The following FRMPD4 variants were observed in gnomAD, a reference collection of about 807,000 sequenced individuals.
FRMPD4 encodes the protein FERM and PDZ domain containing 4.
FRMPD4 carries 22 observed loss-of-function variants against 94.1 expected under a neutral mutation model. That is an observed-to-expected ratio of 0.23 (90% CI 0.17 to 0.33). The LOEUF is 0.33. Among genes scored for constraint, FRMPD4 ranks in the 10% least tolerant of loss-of-function variants. The pLI, the probability that FRMPD4 is intolerant of heterozygous loss-of-function variation, is 1.00. For synonymous variants in FRMPD4, 631 were observed against 548.6 expected, an observed-to-expected ratio of 1.15 and a Z score of -2.10; for missense variants, 1,111 against 1,339.9, an observed-to-expected ratio of 0.83 and a Z score of 2.67.
At chrX:12,351,024 A>G (rs972410202) in intron 1 of FRMPD4, among the ~76,000 whole-genome samples, 3 of 110,969 alleles carry the variant, frequency 2.7e-5, no homozygotes, top group African/African-American at 9.8e-5. Flanking sequence ...AAATACAAAA[A>G]TTAGCTGGGT....
At chrX:12,066,745 A>G (rs1055501812) in intron 3 of FRMPD4, among the ~76,000 whole-genome samples, 2 of 109,967 alleles carry the variant, frequency 1.8e-5, no homozygotes, top group African/African-American at 6.6e-5. Flanking sequence ...TTTTATAGGA[A>G]CACTATATTT....
rs759542566 is a variant in FRMPD4 at position 12,008,505 on chromosome X, A to G, written c.95+130487A>G. Among the ~76,000 whole-genome samples, 4 of 112,863 alleles carry G rather than the reference A, an allele frequency of 3.5e-5. No individual in the cohort carries two copies. The East Asian group carries it at 1.1e-3, about 31-fold the overall frequency. ...TTTTAAACACATTGTAATCTCAAAT[A>G]TATGTGCCTTTGCAGGCTGCTCAAA... On this transcript the variant is annotated intron_variant, in intron 3 of 18. Coordinates refer to the FRMPD4 transcript ENST00000640291.
chrX:12,069,882 C>T (rs2054951880), intron 3 of FRMPD4, among the ~76,000 whole-genome samples: 1 of 110,709 alleles, frequency 9.0e-6, no homozygotes, highest in South Asian at 4.1e-4. Flanking sequence ...ATGGGAGTCA[C>T]TGGTGACCTT....
At chrX:12,236,025 A>G (rs1165570061) in intron 1 of FRMPD4, among the ~76,000 whole-genome samples, 6 of 111,140 alleles carry the variant, frequency 5.4e-5, no homozygotes, top group Non-Finnish European at 5.7e-5. Context: ...TTCCTGTGCC[A>G]AGAGTTCAGG....
chrX:12,014,126 T>C (rs1174336320), intron 3 of FRMPD4, among the ~76,000 whole-genome samples: 1 of 111,850 alleles, frequency 8.9e-6, no homozygotes, highest in East Asian at 2.8e-4. Flanking sequence ...CCTCTATACC[T>C]TCATTCAGAG....
chrX:12,566,820 G>T (rs1179585968), intron 2 of FRMPD4, among the ~76,000 whole-genome samples: 1 of 111,020 alleles, frequency 9.0e-6, no homozygotes, highest in Non-Finnish European at 1.9e-5. Context: ...AGTTTTTGGG[G>T]GTCATTTAGA....
intron 1 of FRMPD4, among the ~76,000 whole-genome samples, chrX:12,331,940 TTATA>T (rs2055412445): frequency 2.5e-5 from 1 of 40,156 alleles, no homozygotes; most frequent in Non-Finnish European, 3.9e-5. Flanking sequence ...TATATATAAA[TTATA>T]TATATTTATA....
chrX:12,342,131 T>C (rs1429488305), intron 1 of FRMPD4, among the ~76,000 whole-genome samples: 1 of 112,250 alleles, frequency 8.9e-6, no homozygotes, highest in Non-Finnish European at 1.9e-5. Flanking sequence ...AACAAACATT[T>C]AGTTTTTGGT....
At chrX:12,333,180 T>A (rs1023644861) in intron 1 of FRMPD4, among the ~76,000 whole-genome samples, 1 of 112,284 alleles carries the variant, frequency 8.9e-6, no homozygotes, top group African/African-American at 3.2e-5. Flanking sequence ...GTGACACATT[T>A]TATAGGCCAT....
At chrX:12,402,489 T>A (rs2056620636) in intron 1 of FRMPD4, among the ~76,000 whole-genome samples, 1 of 111,629 alleles carries the variant, frequency 9.0e-6, no homozygotes, top group Non-Finnish European at 1.9e-5. Context: ...CCCCAAGGAT[T>A]CCTTCTTGTC....
chrX:11,874,390 T>C (rs2053772215), intron 2 of FRMPD4, among the ~76,000 whole-genome samples: 1 of 112,293 alleles, frequency 8.9e-6, no homozygotes, highest in African/African-American at 3.2e-5. Flanking sequence ...GCTCAAGTGA[T>C]CCTTCCGCCT....
chrX:12,139,025 C>T lies in FRMPD4; in HGVS notation c.41+13C>T, dbSNP rs772812169. 1 of 1,140,274 alleles carries T rather than the reference C, an allele frequency of 8.8e-7. No individual in the cohort carries two copies. The highest frequency in any genetic ancestry group is 1.2e-6 in the Non-Finnish European group (1 of 857,309). The allele number at this position is 1,140,274 out of a possible 1,213,427, so 94.0% of individuals were successfully genotyped here. ...CAAAGCTTTCGAGGTAGGGGCTGCG[C>T]GGGTTCCGTTTGCACCCAGGGCCGC... On this transcript the variant is annotated intron_variant, in intron 1 of 16. Transcript: ENST00000675598.
intron 3 of FRMPD4, among the ~76,000 whole-genome samples, chrX:12,096,520 C>T (rs904884044): frequency 7.1e-5 from 8 of 111,913 alleles, no homozygotes; most frequent in Non-Finnish European, 1.3e-4. Context: ...TCTGTGTCTT[C>T]AGGGATGTTG....
intron 3 of FRMPD4, among the ~76,000 whole-genome samples, chrX:12,043,604 G>A (rs1397136305): frequency 9.0e-6 from 1 of 110,965 alleles, no homozygotes; most frequent in Non-Finnish European, 1.9e-5. Context: ...TGGGGCCTTT[G>A]GGACCTGTGA....
chrX:12,425,347 G>A lies in FRMPD4; in HGVS notation c.42-73333G>A, dbSNP rs374786519. Reference sequence around the variant, plus strand: ...TTGTTCCCTTCTCTTCATTGTCAGTGGAAACAAAACAAAAATTATGTGTAA... The same window carrying A: ...TTGTTCCCTTCTCTTCATTGTCAGTAGAAACAAAACAAAAATTATGTGTAA... On this transcript the variant is annotated intron_variant, in intron 1 of 16. Transcript: ENST00000675598. 3.6e-5 allele frequency among the ~76,000 whole-genome samples: 4 copies of A among 111,871 alleles called. No homozygotes were observed. In the East Asian group the frequency reaches 1.1e-3, roughly 31 times the overall value.
intron 2 of FRMPD4, among the ~76,000 whole-genome samples, chrX:12,514,460 C>T (rs767550942): frequency 1.8e-5 from 2 of 111,144 alleles, no homozygotes; most frequent in African/African-American, 6.5e-5. Flanking sequence ...GCCTTTTCCA[C>T]GTCTATTATC....
chrX:12,368,802 C>T (rs1317297884), intron 1 of FRMPD4, among the ~76,000 whole-genome samples: 5 of 111,500 alleles, frequency 4.5e-5, no homozygotes, highest in Non-Finnish European at 9.4e-5. Context: ...TCGCTTGAAC[C>T]TGGGAGGTGG....
intron 4 of FRMPD4, among the ~76,000 whole-genome samples, chrX:12,635,065 C>T (rs2059431335): frequency 9.0e-6 from 1 of 110,985 alleles, no homozygotes; most frequent in Non-Finnish European, 1.9e-5. Context: ...AACTCCTGAC[C>T]TTAGGCAATC....
chrX:12,231,082 T>G (rs2057002521), intron 1 of FRMPD4, among the ~76,000 whole-genome samples: 1 of 52,804 alleles, frequency 1.9e-5, no homozygotes, highest in African/African-American at 6.4e-5. Context: ...TATAGTCTCA[T>G]TCTGTTGCCC....
Sources: gnomAD v4.1 joint callset for allele counts (sites outside exome capture counted in the v4.1 genomes callset) on GRCh38, gnomAD v4.1.1 for gene constraint, MANE v1.5 for transcripts, NCBI Gene and HGNC (gene_info 2026-07-23, HGNC 2026-07-21) for gene names.